The following GRM7 variants were observed in gnomAD, a reference collection of about 807,000 sequenced individuals.
GRM7 encodes glutamate metabotropic receptor 7.
Under a neutral mutation model 84.5 loss-of-function variants are expected in GRM7, and 35 were observed. The observed-to-expected ratio is 0.41, with a 90% CI of 0.32 to 0.55. The LOEUF (loss-of-function observed/expected upper bound fraction) is 0.55, where lower values mean the gene tolerates loss of function less well. GRM7 is among the 20% of genes least tolerant of loss of function. The probability of loss-of-function intolerance (pLI) is 0.19; values close to 1 mark genes in which losing one functional copy is unlikely to be tolerated. For missense variants in GRM7, 1,003 were observed against 1,194.6 expected (o/e 0.84, Z 2.36); for synonymous variants, 487 against 455.1 (o/e 1.07, Z -0.89).
At chr3:6,918,775 C>T (rs1371358679) in intron 1 of GRM7, among the ~76,000 whole-genome samples, 3 of 152,126 alleles carry the variant, frequency 2.0e-5, no homozygotes, top group East Asian at 1.9e-4. Context: ...AAATGACTCT[C>T]ACACACTTCC....
intron 2 of GRM7, among the ~76,000 whole-genome samples, chr3:7,165,118 T>C (rs1056258115): frequency 6.6e-6 from 1 of 152,162 alleles, no homozygotes; most frequent in Non-Finnish European, 1.5e-5. Flanking sequence ...ATTCCTCATT[T>C]GAGATATTGT....
intron 8 of GRM7, among the ~76,000 whole-genome samples, chr3:7,594,705 C>T (rs1341968416): frequency 6.6e-6 from 1 of 152,090 alleles, no homozygotes; most frequent in Non-Finnish European, 1.5e-5. Context: ...TGAGCTGCAA[C>T]CAGGGATGAT....
At chr3:7,634,952 T>G (rs1698020632) in intron 8 of GRM7, among the ~76,000 whole-genome samples, 1 of 152,198 alleles carries the variant, frequency 6.6e-6, no homozygotes, top group Admixed American at 6.5e-5. Context: ...AAACCTATTC[T>G]TACATATGGA....
At chr3:6,992,022 G>A (rs555194718) in intron 1 of GRM7, among the ~76,000 whole-genome samples, 8 of 151,858 alleles carry the variant, frequency 5.3e-5, no homozygotes, top group South Asian at 2.1e-4. Context: ...GAGAAGTCAC[G>A]TAAGGACAGA....
intron 9 of GRM7, among the ~76,000 whole-genome samples, chr3:7,729,929 C>T (rs1308720638): frequency 2.4e-5 from 3 of 126,676 alleles, no homozygotes; most frequent in Non-Finnish European, 4.7e-5. Flanking sequence ...GGCTGGAGTA[C>T]AGTGGCACGA....
chr3:7,157,955 T>C (rs954321074), intron 2 of GRM7, among the ~76,000 whole-genome samples: 25 of 152,104 alleles, frequency 1.6e-4, no homozygotes, highest in Non-Finnish European at 3.1e-4. Flanking sequence ...GGGATAAGGA[T>C]GAGAATCTCC....
chr3:7,220,661 G>A (rs770868726), intron 2 of GRM7, among the ~76,000 whole-genome samples: 3 of 152,190 alleles, frequency 2.0e-5, no homozygotes, highest in Non-Finnish European at 4.4e-5. Context: ...CGTCAACATT[G>A]GTTGATTAAT....
At chr3:6,976,845 C>T (rs1178722280) in intron 1 of GRM7, among the ~76,000 whole-genome samples, 1 of 152,166 alleles carries the variant, frequency 6.6e-6, no homozygotes, top group Non-Finnish European at 1.5e-5. Context: ...ATATTCTTGA[C>T]AGCAGGAAAA....
chr3:7,186,076 T>G (rs1695503199), intron 2 of GRM7, among the ~76,000 whole-genome samples: 1 of 152,202 alleles, frequency 6.6e-6, no homozygotes, highest in Non-Finnish European at 1.5e-5. Flanking sequence ...TTAGCATAGA[T>G]ATGTCTTCCG....
chr3:7,384,124 G>T (rs533839681), intron 4 of GRM7, among the ~76,000 whole-genome samples: 1 of 152,278 alleles, frequency 6.6e-6, no homozygotes, highest in Admixed American at 6.5e-5. Flanking sequence ...CACCTCCCGG[G>T]TTCAAGCGAT....
At chr3:7,664,366 A>G (rs1413564640) in intron 8 of GRM7, among the ~76,000 whole-genome samples, 1 of 152,140 alleles carries the variant, frequency 6.6e-6, no homozygotes, top group Admixed American at 6.5e-5. Flanking sequence ...CCTTGTCCTC[A>G]TTCTGATATG....
intron 7 of GRM7, among the ~76,000 whole-genome samples, chr3:7,577,826 T>C (rs528802542): frequency 2.6e-5 from 4 of 152,214 alleles, no homozygotes; most frequent in African/African-American, 9.6e-5. Flanking sequence ...AGATTCACAT[T>C]GCTGCAAAAG....
At chr3:7,733,241 C>G (rs1397526320) in intron 9 of GRM7, among the ~76,000 whole-genome samples, 10 of 152,276 alleles carry the variant, frequency 6.6e-5, no homozygotes, top group African/African-American at 2.4e-4. Flanking sequence ...GTTCTTATCT[C>G]ACAACCAGGA....
intron 1 of GRM7, among the ~76,000 whole-genome samples, chr3:6,905,688 T>C (rs59126930): frequency 2.0e-5 from 3 of 152,164 alleles, no homozygotes; most frequent in Non-Finnish European, 4.4e-5. Context: ...ATAAGATTTT[T>C]AAAAATATTA....
chr3:7,145,778 A>G (rs1399115486), intron 1 of GRM7, among the ~76,000 whole-genome samples: 2 of 152,128 alleles, frequency 1.3e-5, no homozygotes, highest in African/African-American at 4.8e-5. Context: ...CTCCACTCAG[A>G]CAGTACTGCC....
chr3:7,275,755 C>A (rs1230342800), intron 2 of GRM7, among the ~76,000 whole-genome samples: 1 of 152,088 alleles, frequency 6.6e-6, no homozygotes, highest in Non-Finnish European at 1.5e-5. Flanking sequence ...CCCCCACTCC[C>A]AGATGGAGAC....
Position 7,494,474 on chromosome 3 carries a change from T to C in GRM7, c.1515+32752T>C, listed in dbSNP as rs138107854. Among the ~76,000 whole-genome samples the C allele has an allele frequency of 4.0e-3, 613 of 152,322 alleles. 5 individuals are homozygous for C. Among genetic ancestry groups the C allele is most frequent in the African/African-American group, 0.014 (577 of 41,580 alleles). ...TTATCCTTTTGGAGATTAGTTCAGC[T>C]TCTTTAGCCTATAGGTTTGTGTCTG... On this transcript the variant is annotated intron_variant, in intron 7 of 9. Transcript: ENST00000357716.
At chr3:7,239,280 C>A (rs188642926) in intron 2 of GRM7, among the ~76,000 whole-genome samples, 1 of 152,094 alleles carries the variant, frequency 6.6e-6, no homozygotes, top group African/African-American at 2.4e-5. Context: ...GGTTTATATA[C>A]GTGAGCCACT....
chr3:7,306,733 G>T (rs1054432284), intron 4 of GRM7, 81 bp downstream of exon 4: 3 of 1,279,612 alleles, frequency 2.3e-6, no homozygotes, highest in Middle Eastern at 4.8e-4. Context: ...CTTTTTAGGG[G>T]TTTGGCATTT....
Sources: gnomAD v4.1 joint callset for allele counts (sites outside exome capture counted in the v4.1 genomes callset) on GRCh38, gnomAD v4.1.1 for gene constraint, MANE v1.5 for transcripts, NCBI Gene and HGNC (gene_info 2026-07-23, HGNC 2026-07-21) for gene names.